ARHGEF10: variants seen among roughly 807,000 people sequenced by gnomAD.
The protein encoded by ARHGEF10 is Rho guanine nucleotide exchange factor 10, also known as Rho guanine nucleotide exchange factor (GEF) 10.
ARHGEF10 carries 140 observed loss-of-function variants against 147.4 expected under a neutral mutation model. That is an observed-to-expected ratio of 0.95 (90% CI 0.83 to 1.09). The LOEUF (loss-of-function observed/expected upper bound fraction) is 1.09, where lower values mean the gene tolerates loss of function less well. Ranked by LOEUF, ARHGEF10 falls within the 50% of genes least tolerant of loss-of-function variation. ARHGEF10 has a pLI of 0.00. For missense variants in ARHGEF10, 2,222 were observed against 1,752.7 expected, an observed-to-expected ratio of 1.27 and a Z score of -4.78; for synonymous variants, 902 against 695.8, an observed-to-expected ratio of 1.30 and a Z score of -4.67.
intron 23 of ARHGEF10, chr8:1,927,601 A>T (rs1233013622): frequency 6.6e-6 from 1 of 152,266 alleles, no homozygotes; most frequent in Non-Finnish European, 1.5e-5. Flanking sequence ...GTTCATGTAC[A>T]CTGTTGCAGC....
In ARHGEF10 at chr8:1,928,546, C is replaced by T. The variant is rs764457757; in HGVS notation, c.2817C>T (p.Pro939=). The T allele has an allele frequency of 1.7e-5, 28 of 1,614,048 alleles. No individual in the cohort carries two copies. Among genetic ancestry groups the T allele is most frequent in the Admixed American group, 8.3e-5 (5 of 60,002 alleles). ...GCATCCTGTGCATGCTGTACGTTCC[C>T]GTCGAGGAGAAGCGCAGAGAGCCTG... ...ESRILCMLYV[P]VEEKRREPGA... The change falls in exon 24 of 29, where the codon CCC becomes CCT. Residue 939 remains proline (P), a synonymous_variant. Coordinates refer to ENST00000349830, the MANE Select transcript of ARHGEF10 (RefSeq NM_014629.4).
At chr8:1,921,276 A>G (rs551091409) in intron 18 of ARHGEF10, among the ~76,000 whole-genome samples, 5 of 152,360 alleles carry the variant, frequency 3.3e-5, no homozygotes, top group East Asian at 1.9e-4. Context: ...TTAGATACCT[A>G]TATCTGAAAT....
chr8:1,925,152 A>G (rs1812587335), intron 21 of ARHGEF10, 131 bp from the exon 22 acceptor site: 7 of 1,136,176 alleles, frequency 6.2e-6, no homozygotes, highest in Non-Finnish European at 9.0e-6. Flanking sequence ...TTCCACAAGT[A>G]AAACATGGCG....
At position 1,876,735 on chromosome 8, in the gene ARHGEF10, G is replaced by T. The variant is rs745418673; in HGVS notation, c.843+1G>T. On this transcript the variant is annotated splice_donor_variant, in intron 8 of 28. Coordinates refer to ENST00000349830, the MANE Select transcript of ARHGEF10 (RefSeq NM_014629.4). LOFTEE classifies it high-confidence loss of function. ...CCTGCGCAGCAACCACAAAAAGCAA[G>T]TACGTGTTCCCTGCACATGTGAGGG... is the stretch of plus-strand genomic sequence containing the variant. 5 of 1,614,034 alleles carry T rather than the reference G, an allele frequency of 3.1e-6. No individual in the cohort carries two copies. In the African/African-American group the frequency reaches 6.7e-5, roughly 22 times the overall value.
At chr8:1,902,455 C>T (rs1056715592) in intron 15 of ARHGEF10, among the ~76,000 whole-genome samples, 2 of 152,198 alleles carry the variant, frequency 1.3e-5, no homozygotes, top group Non-Finnish European at 2.9e-5. Flanking sequence ...TTGACCTCCT[C>T]GTGCTTGTCT....
intron 5 of ARHGEF10, 137 bp from the exon 6 acceptor site, chr8:1,866,388 AT>A (rs1806613196): frequency 1.3e-6 from 1 of 777,132 alleles, no homozygotes; most frequent in African/African-American, 1.7e-5. Flanking sequence ...AAAATATGTG[AT>A]TTCCTGTATA....
chr8:1,873,337 T>C (rs1807294907), intron 7 of ARHGEF10, among the ~76,000 whole-genome samples: 1 of 152,184 alleles, frequency 6.6e-6, no homozygotes, highest in South Asian at 2.1e-4. Context: ...AAATTATATG[T>C]GTGTATGTTT....
intron 5 of ARHGEF10, among the ~76,000 whole-genome samples, chr8:1,865,868 C>T (rs1008142673): frequency 5.9e-5 from 9 of 152,310 alleles, no homozygotes; most frequent in African/African-American, 9.6e-5. Context: ...CCACAGGACG[C>T]GGTGTCGGGA....
chr8:1,895,776 C>G (rs1218943389), intron 13 of ARHGEF10, among the ~76,000 whole-genome samples: 1 of 152,178 alleles, frequency 6.6e-6, no homozygotes, highest in Non-Finnish European at 1.5e-5. Context: ...AGTGATTTTT[C>G]TCTCTTTGAA....
At chr8:1,925,717 C>A (rs1387003625) in intron 22 of ARHGEF10, among the ~76,000 whole-genome samples, 1 of 152,126 alleles carries the variant, frequency 6.6e-6, no homozygotes, top group African/African-American at 2.4e-5. Flanking sequence ...TCTGTTTTGC[C>A]TTTGCTTGGC....
At chr8:1,930,795 C>T (rs1158191084) in intron 25 of ARHGEF10, among the ~76,000 whole-genome samples, 1 of 152,242 alleles carries the variant, frequency 6.6e-6, no homozygotes, top group Non-Finnish European at 1.5e-5. Context: ...CTGTGCGCAC[C>T]TGCGCCAAGA....
intron 28 of ARHGEF10, 49 bp downstream of exon 28, chr8:1,952,876 G>A (rs757140815): frequency 6.2e-6 from 10 of 1,612,580 alleles, no homozygotes; most frequent in Middle Eastern, 3.3e-4. Context: ...TTGCAGGCTC[G>A]TGGAGCATAG....
chr8:1,939,302 G>C (rs1813886067), intron 26 of ARHGEF10, among the ~76,000 whole-genome samples: 1 of 152,248 alleles, frequency 6.6e-6, no homozygotes, highest in Non-Finnish European at 1.5e-5. Context: ...CATATAATCT[G>C]TCCTCCAGAA....
intron 11 of ARHGEF10, among the ~76,000 whole-genome samples, chr8:1,886,075 G>A (rs1482470932): frequency 1.3e-5 from 2 of 152,164 alleles, no homozygotes; most frequent in East Asian, 1.9e-4. Context: ...GTCAGTATGT[G>A]TATGTAGCTA....
intron 1 of ARHGEF10, among the ~76,000 whole-genome samples, chr8:1,832,433 CAGACAGAGGCAGAGACAG>C (rs1473634802): frequency 5.9e-5 from 7 of 118,592 alleles, no homozygotes; most frequent in African/African-American, 9.9e-5. Context: ...GAGACAGAGG[CAGACAGAGGCAGAGACAG>C]AGACAGAGGC....
At position 1,945,465 on chromosome 8, in the gene ARHGEF10, C is replaced by G; in HGVS notation, c.3223-16C>G. On this transcript the variant is annotated splice_polypyrimidine_tract_variant and intron_variant, in intron 26 of 28. Transcript: ENST00000349830. ...CACTCCACGGGGCTAGCAGACTTGA[C>G]CTCTCGATTTCACAGGGTCAGCTGG... 6.3e-7 allele frequency: 1 copy of G among 1,575,886 alleles called. No individual in the cohort carries two copies. The highest frequency in any genetic ancestry group is 8.6e-7 in the Non-Finnish European group (1 of 1,160,828).
At chr8:1,882,779 G>A (rs1379931298) in intron 10 of ARHGEF10, 30 bp downstream of exon 10, 2 of 1,473,506 alleles carry the variant, frequency 1.4e-6, no homozygotes, top group Non-Finnish European at 1.8e-6. Flanking sequence ...CTTGCGGGGA[G>A]GACACGGGGT....
chr8:1,853,122 C>T (rs180937827), intron 2 of ARHGEF10, among the ~76,000 whole-genome samples: 2 of 152,248 alleles, frequency 1.3e-5, no homozygotes, highest in East Asian at 1.9e-4. Flanking sequence ...GCCTGTGGGT[C>T]GGCACGGGCT....
intron 2 of ARHGEF10, among the ~76,000 whole-genome samples, chr8:1,849,461 GAC>G (rs1186274727): frequency 2.7e-5 from 4 of 147,774 alleles, no homozygotes; most frequent in Non-Finnish European, 6.0e-5. Context: ...CGGCCACATG[GAC>G]ACAGACAGCA....
Sources: gnomAD v4.1 joint callset for allele counts (sites outside exome capture counted in the v4.1 genomes callset) on GRCh38, gnomAD v4.1.1 for gene constraint, MANE v1.5 for transcripts, NCBI Gene and HGNC (gene_info 2026-07-23, HGNC 2026-07-21) for gene names.